The following MPHOSPH8 variants were observed in gnomAD, a reference collection of about 807,000 sequenced individuals.
The protein encoded by MPHOSPH8 is M-phase phosphoprotein, mpp.
MPHOSPH8 carries 45 observed loss-of-function variants against 87.3 expected under a neutral mutation model. The ratio of observed to expected loss-of-function variants is 0.52; its 90% confidence interval spans 0.41 to 0.66. The LOEUF (loss-of-function observed/expected upper bound fraction) is 0.66. Ranked by LOEUF, MPHOSPH8 falls within the 30% of genes least tolerant of loss-of-function variation. MPHOSPH8 has a pLI of 0.00. For synonymous variants in MPHOSPH8, 366 were observed against 376.9 expected (o/e 0.97, Z 0.33); for missense variants, 883 against 1,020.2 (o/e 0.87, Z 1.83).
intron 13 of MPHOSPH8, 127 bp from the exon 14 acceptor site, chr13:19,671,707 A>T: frequency 1.3e-6 from 1 of 786,622 alleles, no homozygotes; most frequent in South Asian, 1.6e-5. Context: ...CTAACAATGT[A>T]AATTGATAAG....
chr13:19,654,469 A>G (rs1875040354), intron 5 of MPHOSPH8, among the ~76,000 whole-genome samples: 1 of 149,676 alleles, frequency 6.7e-6, no homozygotes, highest in Admixed American at 6.6e-5. Context: ...CAGAACTTAT[A>G]GTAATAAAAA....
chr13:19,655,472 A>C (rs991787955), intron 5 of MPHOSPH8, among the ~76,000 whole-genome samples: 17 of 151,838 alleles, frequency 1.1e-4, no homozygotes, highest in African/African-American at 4.1e-4. Context: ...TGTCTCAAAA[A>C]CACCACCACC....
At chr13:19,666,682 C>T (rs906096209) in intron 10 of MPHOSPH8, 103 bp downstream of exon 10, 4 of 1,008,690 alleles carry the variant, frequency 4.0e-6, no homozygotes, top group Non-Finnish European at 5.5e-6. Context: ...CTCAGAAAAA[C>T]ATCCAGCACA....
intron 5 of MPHOSPH8, among the ~76,000 whole-genome samples, chr13:19,654,418 T>G (rs1287100115): frequency 6.6e-6 from 1 of 152,128 alleles, no homozygotes; most frequent in East Asian, 1.9e-4. Context: ...ATGGCACGTG[T>G]ATGCCTGTGT....
At position 19,672,074 on chromosome 13, in the gene MPHOSPH8, CAG is replaced by C; in HGVS notation, c.*201_*202del. On this transcript the variant is annotated 3_prime_UTR_variant, in exon 14 of 14. Transcript: ENST00000361479. Reference sequence around the variant, plus strand: ...TATGCCGGAATCTCAGTGCAGTGTCCAGACTGCGTATTTCAGTTTTTCCACAA... The same window carrying C: ...TATGCCGGAATCTCAGTGCAGTGTCCACTGCGTATTTCAGTTTTTCCACAA... The C allele has an allele frequency of 1.7e-6, 1 of 579,650 alleles. No homozygotes were observed. The highest frequency in any genetic ancestry group is 2.8e-5 in the East Asian group (1 of 36,116). 35.9% of individuals were successfully genotyped at this position (579,650 alleles called of 1,614,324 possible). A position where few individuals can be genotyped will look rare whatever the true frequency, so the allele number is the denominator to read the frequency against.
chr13:19,648,809 G>A lies in MPHOSPH8; in HGVS notation c.1318+288G>A, dbSNP rs559747904. Reference sequence around the variant, plus strand: ...TTTGTGTAAATATAATATTGAATACGCATTTTGGATCACTTCAAGATAGAC... The same window carrying A: ...TTTGTGTAAATATAATATTGAATACACATTTTGGATCACTTCAAGATAGAC... On this transcript the variant is annotated intron_variant, in intron 4 of 13. Transcript: ENST00000361479. Among the ~76,000 whole-genome samples the A allele has an allele frequency of 2.2e-4, 34 of 151,828 alleles. 1 individual carries two copies. The South Asian group carries it at 5.2e-3, about 23-fold the overall frequency.
At chr13:19,668,707 C>T (rs1875955881) in intron 11 of MPHOSPH8, among the ~76,000 whole-genome samples, 176 bp downstream of exon 11, 1 of 152,142 alleles carries the variant, frequency 6.6e-6, no homozygotes, top group Non-Finnish European at 1.5e-5. Flanking sequence ...CAGCTGACAC[C>T]CCATCCCTGT....
At chr13:19,647,660 G>C (rs1874637486) in intron 3 of MPHOSPH8, among the ~76,000 whole-genome samples, 1 of 151,900 alleles carries the variant, frequency 6.6e-6, no homozygotes, top group Non-Finnish European at 1.5e-5. Flanking sequence ...TTAAATAATA[G>C]GACACAAACT....
intron 5 of MPHOSPH8, among the ~76,000 whole-genome samples, chr13:19,651,167 A>G (rs1301938766): frequency 2.0e-5 from 3 of 152,248 alleles, no homozygotes; most frequent in East Asian, 3.8e-4. Flanking sequence ...AAAAAGAGGT[A>G]CGATTACAGG....
At chr13:19,656,430 C>T (rs1168860912) in intron 5 of MPHOSPH8, among the ~76,000 whole-genome samples, 1 of 151,972 alleles carries the variant, frequency 6.6e-6, no homozygotes, top group Non-Finnish European at 1.5e-5. Context: ...AACCTATATA[C>T]ATTTCTACAT....
At chr13:19,647,562 T>C (rs1874634124) in intron 3 of MPHOSPH8, among the ~76,000 whole-genome samples, 1 of 152,230 alleles carries the variant, frequency 6.6e-6, no homozygotes, top group African/African-American at 2.4e-5. Flanking sequence ...GAGCATTGTA[T>C]ACTCAGGTTT....
intron 7 of MPHOSPH8, 57 bp downstream of exon 7, chr13:19,659,346 A>T (rs1291994080): frequency 2.2e-6 from 3 of 1,336,284 alleles, no homozygotes; most frequent in Non-Finnish European, 3.2e-6. Flanking sequence ...ACTTGAAAGA[A>T]TTCAGTTTAA....
chr13:19,651,274 C>T (rs1459516346), intron 5 of MPHOSPH8, among the ~76,000 whole-genome samples: 1 of 152,212 alleles, frequency 6.6e-6, no homozygotes, highest in Non-Finnish European at 1.5e-5. Context: ...GGCCTGTAGT[C>T]CCAGCACTTT....
At position 19,672,632 on chromosome 13, in the gene MPHOSPH8, G is replaced by C. The variant is rs1876200145; in HGVS notation, c.*757G>C. On this transcript the variant is annotated 3_prime_UTR_variant, in exon 14 of 14. Coordinates refer to ENST00000361479, the MANE Select transcript of MPHOSPH8 (RefSeq NM_017520.4). ...TGCCCTTGAAAGGGTTGGGAGGCCTGATCTTTTTCTAGTAGACAGTTGCCA... is the reference window on the plus strand; with the variant it reads ...TGCCCTTGAAAGGGTTGGGAGGCCTCATCTTTTTCTAGTAGACAGTTGCCA... 6.5e-6 allele frequency: 1 copy of C among 154,458 alleles called. No homozygotes were observed. The highest frequency in any genetic ancestry group is 2.4e-5 in the African/African-American group (1 of 41,462). The allele number at this position is 154,458 out of a possible 1,614,324, so 9.6% of individuals were successfully genotyped here.
chr13:19,659,349 C>T (rs1355547947), intron 7 of MPHOSPH8, 60 bp downstream of exon 7: 1 of 1,316,996 alleles, frequency 7.6e-7, no homozygotes, highest in Non-Finnish European at 1.1e-6. Flanking sequence ...TGAAAGAATT[C>T]AGTTTAACTT....
intron 1 of MPHOSPH8, among the ~76,000 whole-genome samples, chr13:19,637,433 T>C (rs1200217724): frequency 6.6e-6 from 1 of 152,224 alleles, no homozygotes; most frequent in Non-Finnish European, 1.5e-5. Flanking sequence ...TACATTTTTT[T>C]CTGGCCCATT....
chr13:19,665,074 AC>A (rs970114132), intron 9 of MPHOSPH8, among the ~76,000 whole-genome samples: 2 of 151,954 alleles, frequency 1.3e-5, no homozygotes, highest in Non-Finnish European at 2.9e-5. Flanking sequence ...TTGCTGAGGT[AC>A]GTGTGTTGAG....
intron 10 of MPHOSPH8, 55 bp downstream of exon 10, chr13:19,666,634 G>T (rs1593490826): frequency 6.8e-7 from 1 of 1,468,690 alleles, no homozygotes. Flanking sequence ...ATCTGTTTAT[G>T]TAGACATATT....
intron 1 of MPHOSPH8, 90 bp from the exon 2 acceptor site, chr13:19,642,025 C>G: frequency 9.1e-7 from 1 of 1,104,696 alleles, no homozygotes; most frequent in Non-Finnish European, 1.2e-6. Flanking sequence ...CAAGTTCTTT[C>G]ATGTCTTCTC....
Sources: gnomAD v4.1 joint callset for allele counts (sites outside exome capture counted in the v4.1 genomes callset) on GRCh38, gnomAD v4.1.1 for gene constraint, MANE v1.5 for transcripts, NCBI Gene and HGNC (gene_info 2026-07-23, HGNC 2026-07-21) for gene names.